Variants in DSCAM observed in about 807,000 individuals in gnomAD.
DSCAM encodes DS cell adhesion molecule, also known as cell adhesion molecule DSCAM.
A neutral mutation model predicts 217.7 loss-of-function variants in DSCAM; 47 were observed. The ratio of observed to expected loss-of-function variants is 0.22; its 90% confidence interval spans 0.17 to 0.28. The LOEUF is 0.28. Among genes scored for constraint, DSCAM ranks in the 10% least tolerant of loss-of-function variants. The pLI is 1.00. For synonymous variants in DSCAM, 1,056 were observed against 1,015.3 expected (o/e 1.04, Z -0.76); for missense variants, 2,080 against 2,618.3 (o/e 0.79, Z 4.49).
chr21:40,424,130 G>A (rs1316414661), intron 3 of DSCAM, among the ~76,000 whole-genome samples: 6 of 152,162 alleles, frequency 3.9e-5, no homozygotes, highest in Non-Finnish European at 7.3e-5. Context: ...TTAATTTGCA[G>A]ATAGCCTAGC....
chr21:40,741,505 T>C (rs1461001474), intron 1 of DSCAM, among the ~76,000 whole-genome samples: 9 of 147,904 alleles, frequency 6.1e-5, no homozygotes, highest in African/African-American at 2.2e-4. Context: ...AACATCAGCC[T>C]TACCTGAGTG....
At chr21:40,453,164 C>T (rs1266896038) in intron 3 of DSCAM, among the ~76,000 whole-genome samples, 4 of 150,792 alleles carry the variant, frequency 2.7e-5, no homozygotes, top group African/African-American at 9.7e-5. Flanking sequence ...TGAATTACTG[C>T]ATAAAATCAA....
chr21:40,339,178 C>T lies in DSCAM; in HGVS notation c.1448G>A (p.Arg483His). 1.9e-6 allele frequency: 3 copies of T among 1,614,154 alleles called. No homozygotes were observed. Among genetic ancestry groups the T allele is most frequent in the Non-Finnish European group, 1.7e-6 (2 of 1,180,016 alleles). Residue 483 changes from arginine (R) to histidine (H), a missense_variant, in exon 7 of 33, where the codon CGC becomes CAC. Physicochemically the swap from Arg to His is conservative, Grantham distance 29 (BLOSUM62 0). This residue lies in a region of DSCAM where 568 missense variants were observed against 678.1 expected (regional missense o/e 0.84). Coordinates refer to ENST00000400454, the MANE Select transcript of DSCAM (RefSeq NM_001389.5). ...TCCCGCCGAGTTGTTGGCAGTGCAG[C>T]GGTAGACTCCCCCGTCCCGGACCTG... ...SSQVRDGGVY[R>H]CTANNSAGVV...
chr21:40,126,153 G>T (rs1266843567), intron 19 of DSCAM, among the ~76,000 whole-genome samples: 1 of 151,894 alleles, frequency 6.6e-6, no homozygotes, highest in Non-Finnish European at 1.5e-5. Flanking sequence ...GGACTACTTT[G>T]GAAAGCCTTC....
At chr21:40,209,768 C>T (rs181061408) in intron 11 of DSCAM, among the ~76,000 whole-genome samples, 1 of 152,276 alleles carries the variant, frequency 6.6e-6, no homozygotes, top group East Asian at 1.9e-4. Flanking sequence ...CATCAGCTTA[C>T]TGCAAGCCAT....
At chr21:40,532,852 A>C (rs999305893) in intron 3 of DSCAM, among the ~76,000 whole-genome samples, 27 of 150,384 alleles carry the variant, frequency 1.8e-4, no homozygotes, top group Non-Finnish European at 3.0e-4. Context: ...TGGTGCTTCA[A>C]AACAGCCACA....
At chr21:40,720,911 T>C (rs1039875008) in intron 1 of DSCAM, among the ~76,000 whole-genome samples, 33 of 152,198 alleles carry the variant, frequency 2.2e-4, no homozygotes, top group African/African-American at 7.5e-4. Flanking sequence ...GAGCTTCCAG[T>C]TGATGAGTCC....
chr21:40,721,524 T>C (rs1406318662), intron 1 of DSCAM, among the ~76,000 whole-genome samples: 2 of 152,006 alleles, frequency 1.3e-5, no homozygotes, highest in Admixed American at 6.5e-5. Flanking sequence ...CAAAATGTAA[T>C]ATATGAAATG....
chr21:40,367,234 G>A (rs897041989), intron 4 of DSCAM, among the ~76,000 whole-genome samples: 14 of 152,268 alleles, frequency 9.2e-5, no homozygotes, highest in Non-Finnish European at 5.9e-5. Flanking sequence ...ATGGGGACCC[G>A]TTGGTTATTT....
chr21:40,358,814 A>G (rs2074725407), intron 4 of DSCAM, among the ~76,000 whole-genome samples: 1 of 152,038 alleles, frequency 6.6e-6, no homozygotes, highest in Admixed American at 6.6e-5. Context: ...AAAAAAAAAA[A>G]AAAAATTAAG....
intron 1 of DSCAM, among the ~76,000 whole-genome samples, chr21:40,808,156 C>A (rs2091804848): frequency 6.6e-6 from 1 of 152,174 alleles, no homozygotes; most frequent in African/African-American, 2.4e-5. Flanking sequence ...GAATGACCAT[C>A]CAGCTTCAAT....
At chr21:40,237,880 G>T (rs921395165) in intron 11 of DSCAM, among the ~76,000 whole-genome samples, 2 of 152,138 alleles carry the variant, frequency 1.3e-5, no homozygotes, top group Non-Finnish European at 2.9e-5. Flanking sequence ...ATGACACTGG[G>T]CCTGCCTGGC....
At position 40,549,603 on chromosome 21, in the gene DSCAM, C is replaced by T. The variant is rs546852807; in HGVS notation, c.508+143207G>A. Among the ~76,000 whole-genome samples, 40 of 152,316 alleles carry T rather than the reference C, an allele frequency of 2.6e-4. 1 individual carries two copies. Among genetic ancestry groups the T allele is most frequent in the African/African-American group, 8.4e-4 (35 of 41,562 alleles). On this transcript the variant is annotated intron_variant, in intron 3 of 32. Coordinates refer to ENST00000400454, the MANE Select transcript of DSCAM (RefSeq NM_001389.5). Reference sequence around the variant, plus strand: ...GTGTTTTAATAGGCTGCCAACCACACTGAGATACTCAGGCAGCATGAAAGG... The same window carrying T: ...GTGTTTTAATAGGCTGCCAACCACATTGAGATACTCAGGCAGCATGAAAGG...
intron 1 of DSCAM, among the ~76,000 whole-genome samples, chr21:40,818,076 C>CTGGGCGA (rs2091896958): frequency 8.4e-6 from 1 of 118,524 alleles, no homozygotes; most frequent in Non-Finnish European, 1.6e-5. Flanking sequence ...GCAGTCCGGC[C>CTGGGCGA]TGGGCGACAG....
chr21:40,827,271 G>A (rs1442035025), intron 1 of DSCAM, among the ~76,000 whole-genome samples: 3 of 151,938 alleles, frequency 2.0e-5, no homozygotes, highest in Non-Finnish European at 4.4e-5. Flanking sequence ...GCTCATGCCT[G>A]CAATCTTAGC....
intron 9 of DSCAM, among the ~76,000 whole-genome samples, chr21:40,302,634 T>C (rs1441301604): frequency 6.6e-6 from 1 of 152,202 alleles, no homozygotes; most frequent in Non-Finnish European, 1.5e-5. Context: ...AACACTTCTC[T>C]GAATCATAAT....
chr21:40,133,787 C>T (rs1477407438), intron 19 of DSCAM, 67 bp downstream of exon 19: 1 of 1,518,794 alleles, frequency 6.6e-7, no homozygotes, highest in African/African-American at 1.4e-5. Flanking sequence ...AGGGTAAAGG[C>T]AAGTGAGCTC....
intron 19 of DSCAM, among the ~76,000 whole-genome samples, chr21:40,132,628 G>A (rs1360330395): frequency 6.6e-6 from 1 of 152,196 alleles, no homozygotes; most frequent in African/African-American, 2.4e-5. Context: ...GGGCTACAGA[G>A]GCAGCAAAAA....
chr21:40,207,693 G>A (rs1293131973), intron 11 of DSCAM, among the ~76,000 whole-genome samples: 5 of 152,148 alleles, frequency 3.3e-5, no homozygotes, highest in African/African-American at 1.2e-4. Context: ...ATAGATCTGT[G>A]TTCATTTGCT....
Sources: gnomAD v4.1 joint callset for allele counts (sites outside exome capture counted in the v4.1 genomes callset) on GRCh38, gnomAD v4.1.1 for gene constraint, gnomAD v4.1.1 regional missense constraint, MANE v1.5 for transcripts, NCBI Gene and HGNC (gene_info 2026-07-23, HGNC 2026-07-21) for gene names.